CXCL13: variants seen among roughly 807,000 people sequenced by gnomAD.
The protein encoded by CXCL13 is C-X-C motif chemokine ligand 13.
In CXCL13, 7 loss-of-function variants were observed where a neutral mutation model predicts 12.2. That is an observed-to-expected ratio of 0.57 (90% CI 0.33 to 1.07). The LOEUF (loss-of-function observed/expected upper bound fraction) is 1.07. Among genes scored for constraint, CXCL13 ranks in the 50% least tolerant of loss-of-function variants. The pLI is 0.04. For synonymous variants in CXCL13, 47 were observed against 42.4 expected, an observed-to-expected ratio of 1.11 and a Z score of -0.42; for missense variants, 113 against 127.4, an observed-to-expected ratio of 0.89 and a Z score of 0.55.
At chr4:77,603,656 A>C (rs1177793962), upstream of CXCL13, among the ~76,000 whole-genome samples, 1 of 152,140 alleles carries the variant, frequency 6.6e-6, no homozygotes, top group Non-Finnish European at 1.5e-5. Context: ...TTTGGAGTGG[A>C]AGTTAGTAAG....
chr4:77,561,906 A>C (rs1354583479), intron 1 of CXCL13, among the ~76,000 whole-genome samples: 2 of 152,242 alleles, frequency 1.3e-5, no homozygotes, highest in Non-Finnish European at 2.9e-5. Context: ...GCAGGTGGGA[A>C]CCTGGGCTGC....
Position 77,593,311 on chromosome 4 carries a change from A to G in CXCL13, c.-42-12513A>G, listed in dbSNP as rs142368568. 6.0e-4 allele frequency among the ~76,000 whole-genome samples: 91 copies of G among 152,374 alleles called. 1 individual carries two copies. The East Asian group carries it at 0.013, about 22-fold the overall frequency. On this transcript the variant is annotated intron_variant, in intron 1 of 4. Coordinates refer to the CXCL13 transcript ENST00000286758. ...AGCCAACAAGGCTTGAAAGAACAGA[A>G]TCACTTCCAATTTATGGTAAGAAGG...
At chr4:77,586,119 T>C (rs1221260853) in intron 1 of CXCL13, among the ~76,000 whole-genome samples, 1 of 152,148 alleles carries the variant, frequency 6.6e-6, no homozygotes, top group Non-Finnish European at 1.5e-5. Context: ...GGTAATTGTA[T>C]AGTTGCATGA....
chr4:77,572,725 C>G (rs1241181644), intron 1 of CXCL13, among the ~76,000 whole-genome samples: 1 of 151,940 alleles, frequency 6.6e-6, no homozygotes, highest in Non-Finnish European at 1.5e-5. Context: ...CCAGCAATTT[C>G]ATTACTATGT....
At chr4:77,521,575 T>C (rs1049186458) in intron 1 of CXCL13, among the ~76,000 whole-genome samples, 1 of 152,168 alleles carries the variant, frequency 6.6e-6, no homozygotes, top group Non-Finnish European at 1.5e-5. Flanking sequence ...CCCTTTATCA[T>C]TTTTTATTGT....
chr4:77,609,712 C>A (rs1299540649), intron 2 of CXCL13, among the ~76,000 whole-genome samples: 5 of 152,172 alleles, frequency 3.3e-5, no homozygotes, highest in African/African-American at 1.2e-4. Flanking sequence ...TGCTGTCTGG[C>A]AGACCTCACT....
At chr4:77,512,988 C>G (rs570995268) in intron 1 of CXCL13, among the ~76,000 whole-genome samples, 2 of 152,072 alleles carry the variant, frequency 1.3e-5, no homozygotes, top group Admixed American at 1.3e-4. Context: ...TCCAAGTGTT[C>G]TCATAGTTTA....
chr4:77,582,390 G>T (rs866912267), intron 1 of CXCL13, among the ~76,000 whole-genome samples: 14 of 152,212 alleles, frequency 9.2e-5, no homozygotes, highest in African/African-American at 3.1e-4. Flanking sequence ...AGGTGACCTA[G>T]ATCGGGTAGG....
chr4:77,532,639 G>A (rs1724957060), intron 1 of CXCL13, among the ~76,000 whole-genome samples: 1 of 152,178 alleles, frequency 6.6e-6, no homozygotes, highest in South Asian at 2.1e-4. Context: ...CCTGTAGAGT[G>A]TTTTCCAACT....
At chr4:77,547,297 G>C (rs1370598344) in intron 1 of CXCL13, among the ~76,000 whole-genome samples, 3 of 152,158 alleles carry the variant, frequency 2.0e-5, no homozygotes, top group African/African-American at 4.8e-5. Flanking sequence ...TTAATTTTCT[G>C]TCTCATTGAT....
chr4:77,576,758 G>A (rs1440761417), intron 1 of CXCL13, among the ~76,000 whole-genome samples: 2 of 152,190 alleles, frequency 1.3e-5, no homozygotes, highest in East Asian at 3.9e-4. Flanking sequence ...AAAGGCTTAT[G>A]TAAAAATAAT....
At chr4:77,537,459 G>A (rs1223347589) in intron 1 of CXCL13, among the ~76,000 whole-genome samples, 1 of 152,208 alleles carries the variant, frequency 6.6e-6, no homozygotes, top group African/African-American at 2.4e-5. Context: ...AACAAAAGTG[G>A]TTATTGAACT....
chr4:77,562,587 G>A (rs1042447729), intron 1 of CXCL13, among the ~76,000 whole-genome samples: 3 of 151,842 alleles, frequency 2.0e-5, no homozygotes, highest in Non-Finnish European at 4.4e-5. Context: ...ACACCAATCA[G>A]CACTCTGTGT....
intron 1 of CXCL13, among the ~76,000 whole-genome samples, chr4:77,593,863 AGAGGTG>A (rs1726679348): frequency 6.6e-6 from 1 of 152,190 alleles, no homozygotes; most frequent in Non-Finnish European, 1.5e-5. Flanking sequence ...GTGCTACCCC[AGAGGTG>A]GTAGCTTGAA....
intron 1 of CXCL13, among the ~76,000 whole-genome samples, chr4:77,592,989 G>A (rs547688176): frequency 3.3e-5 from 5 of 152,298 alleles, no homozygotes; most frequent in South Asian, 4.1e-4. Flanking sequence ...GGTTAATAAC[G>A]TATAAACAAG....
At chr4:77,552,271 TA>T (rs1725550620) in intron 1 of CXCL13, among the ~76,000 whole-genome samples, 1 of 152,142 alleles carries the variant, frequency 6.6e-6, no homozygotes, top group South Asian at 2.1e-4. Flanking sequence ...TCTTTCCCTA[TA>T]ATAATAACAT....
intron 1 of CXCL13, among the ~76,000 whole-genome samples, chr4:77,543,833 G>T (rs1434006502): frequency 2.6e-5 from 4 of 151,938 alleles, no homozygotes; most frequent in East Asian, 1.9e-4. Context: ...GTGCCATGTT[G>T]GTGTGCTGCA....
Position 77,611,434 on chromosome 4 carries a change from C to A in CXCL13, c.*395C>A, listed in dbSNP as rs1171412794. Reference sequence around the variant, plus strand: ...AGAAAATTATGGCATATATTAAAAGCAGGCTTCTATGAAAGACTCAAAAAG... The same window carrying A: ...AGAAAATTATGGCATATATTAAAAGAAGGCTTCTATGAAAGACTCAAAAAG... On this transcript the variant is annotated 3_prime_UTR_variant, in exon 4 of 4. Transcript: ENST00000682537. The A allele has an allele frequency of 7.9e-6, 3 of 379,772 alleles. No individual in the cohort carries two copies. Among genetic ancestry groups the A allele is most frequent in the Non-Finnish European group, 1.4e-5 (3 of 215,510 alleles). 23.5% of individuals were successfully genotyped at this position (379,772 alleles called of 1,614,324 possible).
intron 1 of CXCL13, among the ~76,000 whole-genome samples, chr4:77,512,210 T>C (rs1295982182): frequency 6.6e-6 from 1 of 152,224 alleles, no homozygotes. Context: ...TGTTTTCTCA[T>C]TAGATTCATC....
Sources: gnomAD v4.1 joint callset for allele counts (sites outside exome capture counted in the v4.1 genomes callset) on GRCh38, gnomAD v4.1.1 for gene constraint, MANE v1.5 for transcripts, NCBI Gene and HGNC (gene_info 2026-07-23, HGNC 2026-07-21) for gene names.